Variants in POGLUT3 observed in about 807,000 individuals in gnomAD.
POGLUT3 encodes the protein protein O-glucosyltransferase 3.
Under a neutral mutation model 54.3 loss-of-function variants are expected in POGLUT3, and 48 were observed. The ratio of observed to expected loss-of-function variants is 0.88; its 90% confidence interval spans 0.70 to 1.12. The LOEUF (loss-of-function observed/expected upper bound fraction) is 1.12. Ranked by LOEUF, POGLUT3 falls within the 50% of genes most tolerant of loss-of-function variation. POGLUT3 has a pLI of 0.00. For synonymous variants in POGLUT3, 218 were observed against 237.4 expected (o/e 0.92, Z 0.75); for missense variants, 629 against 618.7 (o/e 1.02, Z -0.18).
At chr11:108,475,721 A>G (rs2093580503) in intron 7 of POGLUT3, among the ~76,000 whole-genome samples, 1 of 151,962 alleles carries the variant, frequency 6.6e-6, no homozygotes, top group African/African-American at 2.4e-5. Context: ...TGCCTACCTC[A>G]GCCTCCCAAA....
In POGLUT3 at chr11:108,481,271, A is replaced by G; in HGVS notation, c.1007T>C (p.Leu336Pro). The G allele has an allele frequency of 3.1e-6, 5 of 1,613,218 alleles. No homozygotes were observed. The highest frequency in any genetic ancestry group is 4.2e-6 in the Non-Finnish European group (5 of 1,179,600). Reference sequence around the variant, plus strand: ...GAAATATCCTGTAATTCCTGCATCTAGTAGCTGAGGATTTTCTTTGGACAG... The same window carrying G: ...GAAATATCCTGTAATTCCTGCATCTGGTAGCTGAGGATTTTCTTTGGACAG... ...VQLSKENPQL[L>P]DAGITGYFFF... is the part of the protein sequence containing the mutation. The change falls in exon 5 of 8, where the codon CTA becomes CCA. Residue 336 changes from leucine (L) to proline (P), a missense_variant. By Grantham distance (98) the Leu-to-Pro change is moderately conservative. Transcript: ENST00000323468.
intron 6 of POGLUT3, 126 bp from the exon 7 acceptor site, chr11:108,477,837 G>T: frequency 1.4e-6 from 1 of 695,558 alleles, no homozygotes; most frequent in East Asian, 2.7e-5. Flanking sequence ...AGAACATAAT[G>T]GAATTATAAC....
intron 5 of POGLUT3, among the ~76,000 whole-genome samples, chr11:108,480,344 T>C (rs1332074643): frequency 6.6e-6 from 1 of 152,204 alleles, no homozygotes; most frequent in African/African-American, 2.4e-5. Flanking sequence ...GCTGTCTGCA[T>C]ATTTGTTGGG....
intron 3 of POGLUT3, among the ~76,000 whole-genome samples, chr11:108,485,711 G>A (rs1350138357): frequency 6.6e-6 from 1 of 151,656 alleles, no homozygotes; most frequent in African/African-American, 2.4e-5. Flanking sequence ...AGGTTGGAGT[G>A]CAGTGGCGCA....
chr11:108,474,150 AAAATATGTAAACCAAT>A lies in POGLUT3; in HGVS notation c.*661_*676del, dbSNP rs1197491163. ...GAACAGGGGATAGAAATAAACCAAT[AAAATATGTAAACCAAT>A]AAATATGTAAACAGTTTTGCAGAGG... On this transcript the variant is annotated 3_prime_UTR_variant, in exon 8 of 8. Transcript: ENST00000323468. The A allele has an allele frequency of 2.6e-5, 4 of 152,190 alleles. No homozygotes were observed. Among genetic ancestry groups the A allele is most frequent in the Non-Finnish European group, 5.9e-5 (4 of 68,036 alleles). The allele number at this position is 152,190 out of a possible 1,614,324, so 9.4% of individuals were successfully genotyped here.
At chr11:108,495,452 A>T (rs541664839) in intron 1 of POGLUT3, among the ~76,000 whole-genome samples, 2 of 152,216 alleles carry the variant, frequency 1.3e-5, no homozygotes, top group Non-Finnish European at 2.9e-5. Context: ...ATTACAAGGC[A>T]TGAATAACCA....
rs2093576593 is a variant in POGLUT3, at chr11:108,474,553, T to G, written c.*274A>C. 1 of 225,212 alleles carries G rather than the reference T, an allele frequency of 4.4e-6. No individual in the cohort carries two copies. The highest frequency in any genetic ancestry group is 5.4e-5 in the Admixed American group (1 of 18,438). The allele number at this position is 225,212 out of a possible 1,614,324, so 14.0% of individuals were successfully genotyped here. On this transcript the variant is annotated 3_prime_UTR_variant, in exon 8 of 8. Coordinates refer to ENST00000323468, the MANE Select transcript of POGLUT3 (RefSeq NM_153705.5). ...AGGTATATATAAAATATAAATGAAT[T>G]TTGTGTTTAGACTTGGATCTCATCC... is the stretch of plus-strand genomic sequence containing the variant.
chr11:108,487,673 G>A (rs913366523), intron 2 of POGLUT3, among the ~76,000 whole-genome samples: 5 of 152,080 alleles, frequency 3.3e-5, no homozygotes, highest in Non-Finnish European at 7.4e-5. Flanking sequence ...GTGTAGTGGC[G>A]TGATCTCGGC....
chr11:108,485,636 T>TTTTATTTATTTATTTATTTATTTA (rs34832849), intron 3 of POGLUT3, among the ~76,000 whole-genome samples: 2 of 140,322 alleles, frequency 1.4e-5, no homozygotes, highest in East Asian at 2.1e-4. Context: ...CTTTATTCTA[T>TTTTATTTATTTATTTATTTATTTA]TTTATTTATT....
rs1565748870 is a variant in POGLUT3 at position 108,486,169 on chromosome 11, T to A, written c.672A>T (p.Ser224=). The change falls in exon 3 of 8, where the codon TCA becomes TCT. Residue 224 remains serine, a synonymous_variant. Transcript: ENST00000323468. ...FKMFSDEILL[S]LTRKVLLPDL... is the part of the protein sequence containing the mutation. ...TTCATTCTCCTACCTTTCTTGTCAA[T>A]GATAACAAAATCTCATCAGAGAACA... 1 of 1,606,570 alleles carries A rather than the reference T, an allele frequency of 6.2e-7. No homozygotes were observed.
At chr11:108,492,300 G>C (rs918506111) in intron 1 of POGLUT3, among the ~76,000 whole-genome samples, 1 of 152,098 alleles carries the variant, frequency 6.6e-6, no homozygotes, top group African/African-American at 2.4e-5. Context: ...TGATACTGTT[G>C]TGATTAGTGT....
Position 108,498,380 on chromosome 11 carries a change from C to T in POGLUT3, c.-14G>A. 3 of 1,287,936 alleles carry T rather than the reference C, an allele frequency of 2.3e-6. No individual in the cohort carries two copies. The highest frequency in any genetic ancestry group is 6.0e-4 in the Middle Eastern group (2 of 3,306). 79.8% of individuals were successfully genotyped at this position (1,287,936 alleles called of 1,614,324 possible). ...GAGGCGGCGCATGGTCGGCGGGGCACAACTGCGGTCCAGCTCCGCGGCGGC... is the reference window on the plus strand; with the variant it reads ...GAGGCGGCGCATGGTCGGCGGGGCATAACTGCGGTCCAGCTCCGCGGCGGC... On this transcript the variant is annotated 5_prime_UTR_variant, in exon 1 of 8. The change creates a new upstream start codon in the 5' untranslated region. Coordinates refer to ENST00000323468, the MANE Select transcript of POGLUT3 (RefSeq NM_153705.5).
chr11:108,487,651 G>A (rs576073921), intron 2 of POGLUT3, among the ~76,000 whole-genome samples: 8 of 152,096 alleles, frequency 5.3e-5, no homozygotes, highest in African/African-American at 9.6e-5. Context: ...TGGCAGAGTC[G>A]CCCAGGCTGG....
At chr11:108,486,485 A>C in intron 2 of POGLUT3, 45 bp from the exon 3 acceptor site, 1 of 1,578,672 alleles carries the variant, frequency 6.3e-7, no homozygotes, top group Non-Finnish European at 8.6e-7. Context: ...ATTAGCAAGC[A>C]CCACAACACA....
chr11:108,494,597 G>A (rs1027164779), intron 1 of POGLUT3, among the ~76,000 whole-genome samples: 2 of 152,194 alleles, frequency 1.3e-5, no homozygotes, highest in African/African-American at 2.4e-5. Context: ...AGTTTCTTAT[G>A]TGTAAAGACA....
chr11:108,493,442 A>C (rs988028242), intron 1 of POGLUT3, among the ~76,000 whole-genome samples: 1 of 152,178 alleles, frequency 6.6e-6, no homozygotes, highest in African/African-American at 2.4e-5. Flanking sequence ...GAAGAGTGAA[A>C]TTTCAAATTC....
rs2093576870 is a variant in POGLUT3, at chr11:108,474,707, AT to A, written c.*119del. On this transcript the variant is annotated 3_prime_UTR_variant, in exon 8 of 8. Transcript: ENST00000323468. ...AGTACTGCTATATCCATCTACATAT[AT>A]AAAGCCACCGGGAGAACTAGTCCAC... The A allele has an allele frequency of 8.5e-7, 1 of 1,170,622 alleles. No individual in the cohort carries two copies. The highest frequency in any genetic ancestry group is 2.2e-5 in the Admixed American group (1 of 45,292). 72.5% of individuals were successfully genotyped at this position (1,170,622 alleles called of 1,614,324 possible). A position where few individuals can be genotyped will look rare whatever the true frequency, so the allele number is the denominator to read the frequency against.
chr11:108,498,223 G>A lies in POGLUT3; in HGVS notation c.144C>T (p.Arg48=). ...GLQAAVVLPV[R]YFYLQAVNSE... The stretch of plus-strand genomic sequence containing the variant: ...AGTTGACCGCCTGCAGGTAGAAATA[G>A]CGGACCGGCAGGACGACGGCCGCCT... The change falls in exon 1 of 8, where the codon CGC becomes CGT. Residue 48 remains arginine, a synonymous_variant. Transcript: ENST00000323468. 1.3e-6 allele frequency: 2 copies of A among 1,518,060 alleles called. No individual in the cohort carries two copies. Among genetic ancestry groups the A allele is most frequent in the Non-Finnish European group, 8.8e-7 (1 of 1,134,686 alleles). The allele number at this position is 1,518,060 out of a possible 1,614,324, so 94.0% of individuals were successfully genotyped here.
intron 2 of POGLUT3, among the ~76,000 whole-genome samples, chr11:108,488,293 G>A (rs1218355243): frequency 1.3e-5 from 2 of 152,206 alleles, no homozygotes; most frequent in African/African-American, 4.8e-5. Flanking sequence ...CCAAAGTGCT[G>A]GGATTACAGG....
Sources: gnomAD v4.1 joint callset for allele counts (sites outside exome capture counted in the v4.1 genomes callset) on GRCh38, gnomAD v4.1.1 for gene constraint, MANE v1.5 for transcripts, NCBI Gene and HGNC (gene_info 2026-07-23, HGNC 2026-07-21) for gene names.